Variants in PKD1L1 observed in about 807,000 individuals in gnomAD.
PKD1L1 encodes the protein polycystin 1 like 1, transient receptor potential channel interacting.
PKD1L1 carries 236 observed loss-of-function variants against 323.4 expected under a neutral mutation model. The observed-to-expected ratio is 0.73, with a 90% CI of 0.66 to 0.81. The LOEUF is 0.81. Ranked by LOEUF, PKD1L1 falls within the 40% of genes least tolerant of loss-of-function variation. The pLI, the probability that PKD1L1 is intolerant of heterozygous loss-of-function variation, is 0.00. For missense variants in PKD1L1, 3,320 were observed against 3,508.0 expected (o/e 0.95, Z 1.35); for synonymous variants, 1,344 against 1,335.0 (o/e 1.01, Z -0.15).
rs897446213 is a variant in PKD1L1, at chr7:47,834,330, T to G, written c.6174+9A>C. On this transcript the variant is annotated intron_variant, in intron 40 of 56. Transcript: ENST00000289672. ...GAAGATTAGCTGCTGCGCATAATGA[T>G]TGATTTACCTTGCGTGGCTCCTGTG... 1.1e-5 allele frequency: 17 copies of G among 1,612,600 alleles called. No individual in the cohort carries two copies. Among genetic ancestry groups the G allele is most frequent in the Non-Finnish European group, 1.3e-5 (15 of 1,178,794 alleles).
intron 13 of PKD1L1, among the ~76,000 whole-genome samples, chr7:47,898,906 A>C (rs569065863): frequency 1.8e-3 from 278 of 152,230 alleles, no homozygotes; most frequent in African/African-American, 5.6e-3. Context: ...GCTAAAAAAA[A>C]AAAAGGAGAG....
chr7:47,851,287 CT>C (rs1384708772), intron 31 of PKD1L1, among the ~76,000 whole-genome samples: 1 of 152,166 alleles, frequency 6.6e-6, no homozygotes, highest in Non-Finnish European at 1.5e-5. Flanking sequence ...TAAAGAAGCA[CT>C]TGAGGATTGT....
chr7:47,896,645 T>TC (rs1358768915), intron 14 of PKD1L1, among the ~76,000 whole-genome samples: 2 of 152,022 alleles, frequency 1.3e-5, no homozygotes, highest in East Asian at 3.9e-4. Context: ...TCCAAATCCC[T>TC]CCCCCCAGCA....
intron 52 of PKD1L1, 102 bp from the exon 53 acceptor site, chr7:47,803,446 A>G: frequency 7.4e-7 from 1 of 1,358,948 alleles, no homozygotes; most frequent in South Asian, 1.3e-5. Context: ...ATTGGATTTG[A>G]TGATGTTATA....
intron 13 of PKD1L1, among the ~76,000 whole-genome samples, chr7:47,901,723 C>A (rs1041774346): frequency 2.0e-5 from 3 of 152,226 alleles, no homozygotes; most frequent in Non-Finnish European, 2.9e-5. Context: ...TCCACCAGCA[C>A]CCTCTGCGGG....
At chr7:47,823,195 G>A (rs2128733058) in intron 45 of PKD1L1, among the ~76,000 whole-genome samples, 1 of 152,244 alleles carries the variant, frequency 6.6e-6, no homozygotes, top group Middle Eastern at 3.4e-3. Flanking sequence ...TAGGTGTCGA[G>A]TTTTCATAGA....
chr7:47,882,122 A>G, intron 19 of PKD1L1, 37 bp from the exon 20 acceptor site: 4 of 1,601,356 alleles, frequency 2.5e-6, no homozygotes, highest in Non-Finnish European at 3.4e-6. Context: ...TGTTAAAGAA[A>G]AAAAGTCATG....
chr7:47,806,991 A>AGACGG (rs1784792743), intron 52 of PKD1L1, among the ~76,000 whole-genome samples: 2 of 151,938 alleles, frequency 1.3e-5, no homozygotes, highest in African/African-American at 4.8e-5. Context: ...GGACACACAC[A>AGACGG]GACGGGACTC....
chr7:47,958,197 C>G, the PKD1L1 span, among the ~76,000 whole-genome samples: 7 of 151,932 alleles, frequency 4.6e-5, no homozygotes, highest in Admixed American at 2.6e-4. Context: ...TCAAAATATG[C>G]CATAAAACTA....
intron 45 of PKD1L1, among the ~76,000 whole-genome samples, chr7:47,825,380 A>C (rs771015643): frequency 6.6e-6 from 1 of 152,028 alleles, no homozygotes; most frequent in African/African-American, 2.4e-5. Context: ...AAATACAAAA[A>C]ATTAGCCGGG....
chr7:47,792,525 G>A (rs1786973293), intron 56 of PKD1L1, 102 bp downstream of exon 56: 1 of 1,164,518 alleles, frequency 8.6e-7, no homozygotes, highest in Non-Finnish European at 1.2e-6. Flanking sequence ...GAATATTTAT[G>A]CAAATGGACC....
intron 40 of PKD1L1, 23 bp downstream of exon 40, chr7:47,834,316 G>A: frequency 6.2e-7 from 1 of 1,608,982 alleles, no homozygotes; most frequent in Admixed American, 1.7e-5. Context: ...AAGATTAGCT[G>A]CTGCGCATAA....
At chr7:47,781,008 A>C (rs62448548) in intron 56 of PKD1L1, among the ~76,000 whole-genome samples, 16,026 of 152,264 alleles carry the variant, frequency 0.11, 962 homozygotes, top group East Asian at 0.2. Context: ...GTACCATTTT[A>C]CATTCCCATC....
chr7:47,877,134 G>T (rs1050143521), intron 22 of PKD1L1, among the ~76,000 whole-genome samples: 4 of 152,094 alleles, frequency 2.6e-5, no homozygotes, highest in African/African-American at 9.7e-5. Context: ...GGGAGGGAAA[G>T]GGCCAGGCTC....
In PKD1L1 at chr7:47,936,829, A is replaced by G. The variant is rs1220330600; in HGVS notation, c.398+17T>C. 1 of 1,549,318 alleles carries G rather than the reference A, an allele frequency of 6.5e-7. No homozygotes were observed. The highest frequency in any genetic ancestry group is 8.8e-7 in the Non-Finnish European group (1 of 1,134,516). On this transcript the variant is annotated intron_variant, in intron 4 of 56. Coordinates refer to ENST00000289672, the MANE Select transcript of PKD1L1 (RefSeq NM_138295.5). ...ATGTTCAGAAAAGCAATATTTCGCC[A>G]TGGTACATTGACATACCTATCAGCA...
chr7:47,830,197 G>A, intron 42 of PKD1L1, 73 bp from the exon 43 acceptor site: 1 of 1,295,424 alleles, frequency 7.7e-7, no homozygotes, highest in East Asian at 2.3e-5. Flanking sequence ...TGCTGCCTAA[G>A]CACAGGGACA....
At chr7:47,811,244 C>A (rs1036798641) in intron 50 of PKD1L1, among the ~76,000 whole-genome samples, 2 of 151,594 alleles carry the variant, frequency 1.3e-5, no homozygotes, top group African/African-American at 4.9e-5. Flanking sequence ...ACCTCCGCCT[C>A]CCAGGTTCAA....
At chr7:47,943,089 T>A (rs933126856) in intron 2 of PKD1L1, among the ~76,000 whole-genome samples, 1 of 143,124 alleles carries the variant, frequency 7.0e-6, no homozygotes, top group Admixed American at 7.4e-5. Flanking sequence ...GAGCTTGCAG[T>A]GAGCCAAGAT....
intron 37 of PKD1L1, among the ~76,000 whole-genome samples, chr7:47,836,436 T>C (rs962699154): frequency 6.6e-6 from 1 of 152,172 alleles, no homozygotes; most frequent in Non-Finnish European, 1.5e-5. Flanking sequence ...AGGGTCTCCA[T>C]TTTAACTGCT....
Sources: gnomAD v4.1 joint callset for allele counts (sites outside exome capture counted in the v4.1 genomes callset) on GRCh38, gnomAD v4.1.1 for gene constraint, MANE v1.5 for transcripts, NCBI Gene and HGNC (gene_info 2026-07-23, HGNC 2026-07-21) for gene names.